The following MATR3 variants were observed in gnomAD, a reference collection of about 807,000 sequenced individuals.
MATR3 encodes matrin-3.
A neutral mutation model predicts 85.5 loss-of-function variants in MATR3; 4 were observed. The observed-to-expected ratio is 0.05, with a 90% CI of 0.02 to 0.11. The LOEUF is 0.11. Ranked by LOEUF, MATR3 falls within the 10% of genes least tolerant of loss-of-function variation. The pLI is 1.00. For synonymous variants in MATR3, 336 were observed against 343.1 expected, an observed-to-expected ratio of 0.98 and a Z score of 0.23; for missense variants, 685 against 1,016.1, an observed-to-expected ratio of 0.67 and a Z score of 4.43.
rs897254073 is a variant in MATR3, at chr5:139,317,757, A to C, written c.1308+36A>C. The C allele has an allele frequency of 6.0e-6, 9 of 1,493,780 alleles. No individual in the cohort carries two copies. In the African/African-American group the frequency reaches 1.1e-4, roughly 18 times the overall value. The allele number at this position is 1,493,780 out of a possible 1,614,324, so 92.5% of individuals were successfully genotyped here. ...AAATATTGGTATTATTCATTTATTC[A>C]TGCCACTAATATATGTTCTGCAAGA... On this transcript the variant is annotated intron_variant, in intron 7 of 14. Transcript: ENST00000394805.
At chr5:139,317,791 A>G in intron 7 of MATR3, 70 bp downstream of exon 7, 1 of 1,404,950 alleles carries the variant, frequency 7.1e-7, no homozygotes, top group Non-Finnish European at 9.8e-7. Flanking sequence ...GAATTAAATG[A>G]TTTTGTATTA....
exon 1 of MATR3, chr5:139,274,125 G>GT (rs1217564931): frequency 2.2e-6 from 1 of 446,764 alleles, no homozygotes; most frequent in South Asian, 1.6e-5. Context: ...GCCTCTGCCG[G>GT]TGCTGCTGCG....
intron 2 of MATR3, chr5:139,278,359 CT>C: frequency 6.6e-6 from 3 of 453,988 alleles, no homozygotes; most frequent in Non-Finnish European, 8.8e-6. Context: ...CTTCACCCAT[CT>C]GAAGGGAGGA....
intron 3 of MATR3, among the ~76,000 whole-genome samples, chr5:139,284,550 G>A (rs868109201): frequency 6.6e-5 from 10 of 152,020 alleles, no homozygotes; most frequent in Non-Finnish European, 1.3e-4. Context: ...AGAGGTTGCA[G>A]TGAGCTGAGA....
At chr5:139,326,711 C>T (rs1011435478) in intron 14 of MATR3, among the ~76,000 whole-genome samples, 1 of 152,186 alleles carries the variant, frequency 6.6e-6, no homozygotes, top group South Asian at 2.1e-4. Context: ...AGGCATGAGC[C>T]ACCGCGCCTG....
intron 3 of MATR3, chr5:139,315,109 A>G (rs1439617837): frequency 9.2e-6 from 2 of 216,360 alleles, no homozygotes; most frequent in Non-Finnish European, 1.9e-5. Context: ...GGTTATTAAA[A>G]GATTCTAATT....
chr5:139,320,589 T>C (rs1345563415), intron 9 of MATR3, among the ~76,000 whole-genome samples: 1 of 152,156 alleles, frequency 6.6e-6, no homozygotes, highest in Non-Finnish European at 1.5e-5. Context: ...GGCAGTGGAG[T>C]GAGACCCTGT....
In MATR3 at chr5:139,330,986, T is replaced by C. The variant is rs564679688; in HGVS notation, c.*1591T>C. The C allele has an allele frequency of 1.8e-5, 8 of 454,100 alleles. No individual in the cohort carries two copies. Among genetic ancestry groups the C allele is most frequent in the African/African-American group, 1.0e-4 (5 of 50,126 alleles). The allele number at this position is 454,100 out of a possible 1,614,324, so 28.1% of individuals were successfully genotyped here. ...TTGGTTTTTTTGTATAGATGGGGCT[T>C]TGCCATGTTGCCCAGGTTGATCTTG... On this transcript the variant is annotated 3_prime_UTR_variant, in exon 15 of 15. Transcript: ENST00000394805.
intron 14 of MATR3, among the ~76,000 whole-genome samples, chr5:139,326,699 A>G (rs781251010): frequency 6.6e-6 from 1 of 152,210 alleles, no homozygotes; most frequent in Non-Finnish European, 1.5e-5. Context: ...TGCTGGGATT[A>G]CAGGCATGAG....
chr5:139,281,579 C>T (rs537376143), intron 3 of MATR3, among the ~76,000 whole-genome samples: 1 of 152,046 alleles, frequency 6.6e-6, no homozygotes, highest in Non-Finnish European at 1.5e-5. Flanking sequence ...TCTCAAACTC[C>T]TTACCTCAGG....
At chr5:139,289,863 C>G (rs1753817080), upstream of MATR3, among the ~76,000 whole-genome samples, 1 of 152,186 alleles carries the variant, frequency 6.6e-6, no homozygotes, top group Non-Finnish European at 1.5e-5. Flanking sequence ...CCTTTCCAGT[C>G]TATTTCACGC....
chr5:139,309,526 C>G (rs1291252157), intron 2 of MATR3, among the ~76,000 whole-genome samples: 1 of 152,010 alleles, frequency 6.6e-6, no homozygotes. Context: ...TATTACCAGT[C>G]ACTCCCTTTC....
At chr5:139,309,760 A>G (rs1754878273) in intron 2 of MATR3, among the ~76,000 whole-genome samples, 1 of 152,136 alleles carries the variant, frequency 6.6e-6, no homozygotes, top group Non-Finnish European at 1.5e-5. Context: ...CATGGAATTC[A>G]TTTTAGTTTC....
At chr5:139,325,999 A>AT (rs1755835501) in intron 13 of MATR3, among the ~76,000 whole-genome samples, 164 bp from the exon 14 acceptor site, 1 of 152,172 alleles carries the variant, frequency 6.6e-6, no homozygotes, top group Non-Finnish European at 1.5e-5. Context: ...TCAAACATCA[A>AT]TTAGGTAAAA....
chr5:139,316,882 A>G (rs1265616929), intron 5 of MATR3, among the ~76,000 whole-genome samples, 171 bp from the exon 6 acceptor site: 1 of 152,202 alleles, frequency 6.6e-6, no homozygotes, highest in African/African-American at 2.4e-5. Context: ...TATAGGTGAA[A>G]GAAGGCTCAT....
chr5:139,311,875 C>T (rs953824790), intron 2 of MATR3: 2 of 145,146 alleles, frequency 1.4e-5, no homozygotes, highest in African/African-American at 2.5e-5. Context: ...TCAAGCAATT[C>T]TCCTGCCTCA....
intron 1 of MATR3, chr5:139,299,996 TGAA>T (rs1430033205): frequency 6.6e-6 from 1 of 152,196 alleles, no homozygotes; most frequent in Non-Finnish European, 1.5e-5. Context: ...CAATACAGAA[TGAA>T]GAAGGAAGAT....
At chr5:139,285,148 C>T (rs533192524) in intron 3 of MATR3, 1 of 152,298 alleles carries the variant, frequency 6.6e-6, no homozygotes, top group Non-Finnish European at 1.5e-5. Flanking sequence ...TTGTAAATTT[C>T]TGCTTCTTCA....
chr5:139,296,196 AAAATT>A (rs551726446), intron 1 of MATR3, among the ~76,000 whole-genome samples: 59 of 152,296 alleles, frequency 3.9e-4, no homozygotes, highest in African/African-American at 1.3e-3. Context: ...AATTTTTTTT[AAAATT>A]AAATATTCAA....
Sources: gnomAD v4.1 joint callset for allele counts (sites outside exome capture counted in the v4.1 genomes callset) on GRCh38, gnomAD v4.1.1 for gene constraint, MANE v1.5 for transcripts, NCBI Gene and HGNC (gene_info 2026-07-23, HGNC 2026-07-21) for gene names.